Variants in CSMD3 observed in about 807,000 individuals in gnomAD.
The protein encoded by CSMD3 is CUB and Sushi multiple domains 3, also known as CUB and sushi domain-containing protein 3.
A neutral mutation model predicts 435.2 loss-of-function variants in CSMD3; 177 were observed. That is an observed-to-expected ratio of 0.41 (90% CI 0.36 to 0.46). The LOEUF is 0.46. CSMD3 is among the 20% of genes least tolerant of loss of function. The pLI is 0.34. For missense variants in CSMD3, 4,265 were observed against 4,504.6 expected, an observed-to-expected ratio of 0.95 and a Z score of 1.52; for synonymous variants, 1,656 against 1,520.5, an observed-to-expected ratio of 1.09 and a Z score of -2.07.
chr8:112,379,790 A>G (rs1829302828), intron 38 of CSMD3, among the ~76,000 whole-genome samples: 1 of 152,234 alleles, frequency 6.6e-6, no homozygotes, highest in African/African-American at 2.4e-5. Context: ...GGTTACCAAA[A>G]CAGTGTAGTA....
intron 1 of CSMD3, among the ~76,000 whole-genome samples, chr8:113,373,646 T>C (rs2094360776): frequency 6.6e-6 from 1 of 152,118 alleles, no homozygotes; most frequent in Admixed American, 6.5e-5. Flanking sequence ...TTAATAATTT[T>C]CCTTCAATGT....
chr8:113,377,390 A>G (rs1443025850), intron 1 of CSMD3, among the ~76,000 whole-genome samples: 1 of 152,228 alleles, frequency 6.6e-6, no homozygotes, highest in African/African-American at 2.4e-5. Flanking sequence ...TTGTAAAATA[A>G]TATCTGAAAG....
At chr8:113,389,731 A>G (rs192939057) in intron 1 of CSMD3, among the ~76,000 whole-genome samples, 33 of 151,850 alleles carry the variant, frequency 2.2e-4, no homozygotes, top group African/African-American at 7.5e-4. Flanking sequence ...TCAATTTAAG[A>G]CCTAGAGTGA....
chr8:113,018,590 C>T (rs142881512), intron 6 of CSMD3, among the ~76,000 whole-genome samples: 2 of 152,212 alleles, frequency 1.3e-5, no homozygotes, highest in African/African-American at 4.8e-5. Context: ...CAAGTTAATG[C>T]ATCAAATATT....
chr8:113,121,061 C>T (rs1385215590), intron 4 of CSMD3, among the ~76,000 whole-genome samples: 1 of 152,080 alleles, frequency 6.6e-6, no homozygotes, highest in Non-Finnish European at 1.5e-5. Context: ...CTCTTTTATA[C>T]AGTGCTAACA....
intron 1 of CSMD3, among the ~76,000 whole-genome samples, chr8:113,316,770 G>A (rs1049751636): frequency 1.3e-5 from 2 of 150,156 alleles, no homozygotes; most frequent in Non-Finnish European, 3.0e-5. Flanking sequence ...GGCTGATTTC[G>A]AACTACTGAC....
At chr8:112,709,979 A>G (rs2076577475) in intron 13 of CSMD3, among the ~76,000 whole-genome samples, 2 of 152,076 alleles carry the variant, frequency 1.3e-5, no homozygotes, top group African/African-American at 2.4e-5. Flanking sequence ...TAAGCCCTTT[A>G]ATAGTCTCAA....
At position 112,897,897 on chromosome 8, in the gene CSMD3, T is replaced by A. The variant is rs541383804; in HGVS notation, c.1633+23730A>T. Among the ~76,000 whole-genome samples the A allele has an allele frequency of 4.4e-4, 67 of 151,358 alleles. No individual in the cohort carries two copies. The South Asian group carries it at 0.014, about 31-fold the overall frequency. The stretch of plus-strand genomic sequence containing the variant: ...TTTGTTATAATCTAACCTTCAGGTT[T>A]TATTATTATTGTTGTTATTAGAAGG... On this transcript the variant is annotated intron_variant, in intron 10 of 70. Coordinates refer to ENST00000297405, the MANE Select transcript of CSMD3 (RefSeq NM_198123.2).
intron 10 of CSMD3, among the ~76,000 whole-genome samples, chr8:112,867,672 A>C (rs1261232030): frequency 6.6e-6 from 1 of 152,150 alleles, no homozygotes; most frequent in East Asian, 1.9e-4. Context: ...TGTGTATCTA[A>C]ACATATCTAA....
At chr8:112,928,712 A>G (rs537498698) in intron 9 of CSMD3, among the ~76,000 whole-genome samples, 1 of 150,018 alleles carries the variant, frequency 6.7e-6, no homozygotes, top group East Asian at 2.0e-4. Context: ...GTTGGTTCCA[A>G]GTCTTTGCTA....
intron 66 of CSMD3, 45 bp downstream of exon 66, chr8:112,241,675 T>A (rs1418960547): frequency 1.1e-5 from 15 of 1,365,304 alleles, no homozygotes; most frequent in Non-Finnish European, 1.6e-5. Flanking sequence ...TAGTAGACCA[T>A]TTTTAGAAAT....
intron 22 of CSMD3, among the ~76,000 whole-genome samples, chr8:112,599,905 A>T (rs1039351999): frequency 2.1e-5 from 3 of 145,688 alleles, no homozygotes; most frequent in Non-Finnish European, 4.5e-5. Context: ...GCATTGGGAG[A>T]TATACCTAAT....
At chr8:112,666,704 C>G (rs569996237) in intron 16 of CSMD3, among the ~76,000 whole-genome samples, 1 of 152,136 alleles carries the variant, frequency 6.6e-6, no homozygotes, top group South Asian at 2.1e-4. Flanking sequence ...TCTTGTCTCT[C>G]CATCGTCATC....
At chr8:112,965,400 TGTTA>T (rs1226050636) in intron 7 of CSMD3, among the ~76,000 whole-genome samples, 1 of 151,900 alleles carries the variant, frequency 6.6e-6, no homozygotes, top group Non-Finnish European at 1.5e-5. Context: ...AGATATAGTG[TGTTA>T]ATATAAAAAT....
chr8:113,302,295 A>G (rs1216722930), intron 2 of CSMD3, among the ~76,000 whole-genome samples: 2 of 8,516 alleles, frequency 2.3e-4, no homozygotes, highest in African/African-American at 1.3e-3. Context: ...ATATAATATA[A>G]TATAATATAT....
At chr8:112,464,212 T>C (rs899493652) in intron 32 of CSMD3, among the ~76,000 whole-genome samples, 2 of 141,398 alleles carry the variant, frequency 1.4e-5, no homozygotes, top group African/African-American at 5.4e-5. Context: ...CACTCCAGCC[T>C]GGGCGACAGA....
At chr8:112,833,690 A>G (rs1001530622) in intron 11 of CSMD3, among the ~76,000 whole-genome samples, 6 of 149,142 alleles carry the variant, frequency 4.0e-5, no homozygotes, top group African/African-American at 9.8e-5. Context: ...ATATGTGTGT[A>G]TGTGTGTGTG....
At chr8:113,337,028 GT>G (rs1468408829) in intron 1 of CSMD3, among the ~76,000 whole-genome samples, 2 of 152,178 alleles carry the variant, frequency 1.3e-5, no homozygotes, top group African/African-American at 2.4e-5. Context: ...CAACTCAACG[GT>G]TTTTTGTCTT....
At chr8:112,801,998 A>G (rs2078972505) in intron 12 of CSMD3, among the ~76,000 whole-genome samples, 1 of 152,046 alleles carries the variant, frequency 6.6e-6, no homozygotes, top group South Asian at 2.1e-4. Context: ...TTGTCAGTTC[A>G]TGAAGAACAA....
Sources: allele counts gnomAD v4.1 joint callset (sites outside exome capture counted in the v4.1 genomes callset), GRCh38; gene constraint gnomAD v4.1.1; transcripts MANE v1.5; gene names NCBI Gene and HGNC (gene_info 2026-07-23, HGNC 2026-07-21).